Variants in UQCRC1 observed in about 807,000 individuals in gnomAD.
The protein encoded by UQCRC1 is ubiquinol-cytochrome c reductase core protein 1, also known as cytochrome b-c1 complex subunit 1, mitochondrial.
Under a neutral mutation model 58.0 loss-of-function variants are expected in UQCRC1, and 34 were observed. That is an observed-to-expected ratio of 0.59 (90% confidence interval 0.45 to 0.78). The LOEUF (loss-of-function observed/expected upper bound fraction) is 0.78. UQCRC1 is among the 30% of genes least tolerant of loss of function. UQCRC1 has a pLI of 0.00. For missense variants in UQCRC1, 610 were observed against 646.0 expected (o/e 0.94, Z 0.60); for synonymous variants, 276 against 248.8 (o/e 1.11, Z -1.03).
Position 48,604,361 on chromosome 3 carries a change from A to G in UQCRC1, c.498T>C (p.Asp166=), listed in dbSNP as rs1171662002. The G allele has an allele frequency of 6.2e-7, 1 of 1,614,238 alleles. No homozygotes were observed. The highest frequency in any genetic ancestry group is 1.1e-5 in the South Asian group (1 of 91,092). The part of the protein sequence containing the change: ...LEDSQIEKER[D]VILREMQEND... Reference sequence around the variant, plus strand: ...TCTCCTGCATCTCCCGCAGGATCACATCACGTTCCTTCTCAATCTGTGAGT... The same window carrying G: ...TCTCCTGCATCTCCCGCAGGATCACGTCACGTTCCTTCTCAATCTGTGAGT... Residue 166 remains aspartate, a synonymous_variant, in exon 5 of 13, where the codon GAT becomes GAC. Transcript: ENST00000203407.
chr3:48,599,081 G>GA lies in UQCRC1; in HGVS notation c.*46_*47insT. ...AAGTGCTGTGTTTGTGGTGGGGGGG[G>GA]GACCACAAACCCCGGCCCTGCCCTC... On this transcript the variant is annotated 3_prime_UTR_variant, in exon 13 of 13. Coordinates refer to ENST00000203407, the MANE Select transcript of UQCRC1 (RefSeq NM_003365.3). 6.2e-7 allele frequency: 1 copy of GA among 1,602,418 alleles called. No homozygotes were observed. The highest frequency in any genetic ancestry group is 1.3e-5 in the African/African-American group (1 of 74,768).
intron 2 of UQCRC1, among the ~76,000 whole-genome samples, chr3:48,608,914 C>G (rs2046437191): frequency 6.6e-6 from 1 of 152,134 alleles, no homozygotes; most frequent in Non-Finnish European, 1.5e-5. Context: ...TAACAAAAGG[C>G]TGGAAAAGAA....
intron 2 of UQCRC1, among the ~76,000 whole-genome samples, chr3:48,607,365 C>T (rs1392077119): frequency 6.6e-6 from 1 of 151,834 alleles, no homozygotes; most frequent in Non-Finnish European, 1.5e-5. Context: ...TTAGTAGAGG[C>T]GGGGTTTCAC....
Position 48,604,393 on chromosome 3 carries a change from G to T in UQCRC1, c.466C>A (p.Leu156Met). The T allele has an allele frequency of 1.2e-6, 2 of 1,614,188 alleles. No individual in the cohort carries two copies. The highest frequency in any genetic ancestry group is 2.2e-5 in the South Asian group (2 of 91,080). The change falls in exon 5 of 13, where the codon CTG (leucine) becomes ATG (methionine). Residue 156 changes from leucine (L) to methionine (M), a missense_variant. Leu to Met is a conservative substitution (Grantham distance 15, BLOSUM62 2). Transcript: ENST00000203407. Reference protein sequence around the residue: ...LLGDIVQNCSLEDSQIEKERD... With the variant: ...LLGDIVQNCSMEDSQIEKERD... ...TCCTTCTCAATCTGTGAGTCTTCCA[G>T]ACTACAGTTCTGCACAATGTCACCC...
intron 2 of UQCRC1, among the ~76,000 whole-genome samples, chr3:48,607,197 A>G (rs1387064777): frequency 6.6e-6 from 1 of 151,942 alleles, no homozygotes; most frequent in African/African-American, 2.4e-5. Context: ...GCCCGCCACC[A>G]CGCCCGGCTA....
At chr3:48,604,176 G>C in intron 5 of UQCRC1, 57 bp downstream of exon 5, 2 of 1,577,680 alleles carry the variant, frequency 1.3e-6, no homozygotes, top group Admixed American at 1.7e-5. Context: ...ACCTGGAAAG[G>C]GTCTGGCCAG....
Position 48,604,335 on chromosome 3 carries a change from T to C in UQCRC1, c.524A>G (p.Asn175Ser), listed in dbSNP as rs1194005119. ...RDVILREMQE[N>S]DASMRDVVFN... ...GACCACATCTCGCATAGATGCATCA[T>C]TCTCCTGCATCTCCCGCAGGATCAC... The change falls in exon 5 of 13, where the codon AAT becomes AGT. Residue 175 changes from asparagine (N) to serine (S), a missense_variant. Transcript: ENST00000203407. 2 of 1,614,114 alleles carry C rather than the reference T, an allele frequency of 1.2e-6. No individual in the cohort carries two copies. Among genetic ancestry groups the C allele is most frequent in the Non-Finnish European group, 1.7e-6 (2 of 1,179,984 alleles).
Position 48,601,427 on chromosome 3 carries a change from G to C in UQCRC1, c.747C>G (p.His249Gln). The C allele has an allele frequency of 1.2e-6, 2 of 1,614,166 alleles. No homozygotes were observed. Among genetic ancestry groups the C allele is most frequent in the Non-Finnish European group, 1.7e-6 (2 of 1,180,024 alleles). ...HQQLLDLAQKHLGGIPWTYAE... is the reference protein window; with the variant it reads ...HQQLLDLAQKQLGGIPWTYAE... ...CATATGTCCATGGGATGCCACCGAG[G>C]TGCTTCTGGGCGAGGTCTAACAGTT... The change falls in exon 7 of 13, where the codon CAC becomes CAG. Residue 249 changes from histidine to glutamine, a missense_variant. Transcript: ENST00000203407.
At chr3:48,605,746 GGA>G (rs1356377488) in intron 3 of UQCRC1, 22 bp downstream of exon 3, 2 of 1,610,936 alleles carry the variant, frequency 1.2e-6, no homozygotes, top group African/African-American at 2.7e-5. Flanking sequence ...TAAGCCCAGA[GGA>G]GACAGACTTT....
In UQCRC1 at chr3:48,600,553, G is replaced by A. The variant is rs2107842847; in HGVS notation, c.1142C>T (p.Thr381Ile). ...VLQGQWMRLCTSATESEVARG... is the reference protein window; with the variant it reads ...VLQGQWMRLCISATESEVARG... Reference sequence around the variant, plus strand: ...GGCCACCTCACTCTCCGTGGCACTGGTACACAGGCGCATCCTAAAGTGGGG... The same window carrying A: ...GGCCACCTCACTCTCCGTGGCACTGATACACAGGCGCATCCTAAAGTGGGG... Residue 381 changes from threonine to isoleucine, a missense_variant, in exon 10 of 13, where the codon ACC (threonine) becomes ATC (isoleucine). Coordinates refer to ENST00000203407, the MANE Select transcript of UQCRC1 (RefSeq NM_003365.3). 2 of 1,614,066 alleles carry A rather than the reference G, an allele frequency of 1.2e-6. No individual in the cohort carries two copies. Among genetic ancestry groups the A allele is most frequent in the East Asian group, 2.2e-5 (1 of 44,880 alleles).
chr3:48,609,067 A>G (rs2046438658), intron 2 of UQCRC1, 95 bp downstream of exon 2: 29 of 1,508,762 alleles, frequency 1.9e-5, no homozygotes, highest in Non-Finnish European at 2.6e-5. Context: ...CCAAACCACA[A>G]ACGGGAAGAC....
chr3:48,603,684 C>T (rs1467257260), intron 5 of UQCRC1, 41 bp from the exon 6 acceptor site: 2 of 1,586,992 alleles, frequency 1.3e-6, no homozygotes, highest in Admixed American at 3.4e-5. Flanking sequence ...CTCTACCACA[C>T]TGGAGTGAGT....
In UQCRC1 at chr3:48,600,977, C is replaced by T. The variant is rs555118861; in HGVS notation, c.964G>A (p.Val322Met). 1.9e-5 allele frequency: 31 copies of T among 1,603,304 alleles called. No individual in the cohort carries two copies. The highest frequency in any genetic ancestry group is 1.8e-4 in the East Asian group (8 of 44,556). Residue 322 changes from valine to methionine, a missense_variant and splice_region_variant, in exon 8 of 13, where the codon GTG (valine) becomes ATG (methionine). Transcript: ENST00000203407. ...CCCATGCTCGCGCTGGCACTCACCACGCCACCACCATAAGTGCAGTCATAG... is the reference window on the plus strand; with the variant it reads ...CCCATGCTCGCGCTGGCACTCACCATGCCACCACCATAAGTGCAGTCATAG... ...GHYDCTYGGG[V>M]HLSSPLASGA... is the part of the protein sequence containing the mutation.
chr3:48,601,044 C>G lies in UQCRC1; in HGVS notation c.897G>C (p.Pro299=). 1 of 1,611,044 alleles carries G rather than the reference C, an allele frequency of 6.2e-7. No homozygotes were observed. Among genetic ancestry groups the G allele is most frequent in the Non-Finnish European group, 8.5e-7 (1 of 1,177,508 alleles). ...TGGCCACTTGCAAGGCCACATTGTCCGGGCTGGCCCAGCCAGGACCCTCTA... is the reference window on the plus strand; with the variant it reads ...TGGCCACTTGCAAGGCCACATTGTCGGGGCTGGCCCAGCCAGGACCCTCTA... The part of the protein sequence containing the change: ...IAVEGPGWAS[P]DNVALQVANA... Residue 299 remains proline, a synonymous_variant, in exon 8 of 13, where the codon CCG becomes CCC. Transcript: ENST00000203407.
At position 48,601,386 on chromosome 3, in the gene UQCRC1, G is replaced by T. The variant is rs760529868; in HGVS notation, c.788C>A (p.Pro263His). 3.1e-6 allele frequency: 5 copies of T among 1,614,196 alleles called. No individual in the cohort carries two copies. The highest frequency in any genetic ancestry group is 4.2e-6 in the Non-Finnish European group (5 of 1,180,038). The part of the protein sequence containing the change: ...IPWTYAEDAV[P>H]TLTPCRFTGS... Reference sequence around the variant, plus strand: ...AGTGAAGCGGCATGGAGTAAGAGTGGGCACAGCGTCCTCTGCATATGTCCA... The same window carrying T: ...AGTGAAGCGGCATGGAGTAAGAGTGTGCACAGCGTCCTCTGCATATGTCCA... The change falls in exon 7 of 13, where the codon CCC becomes CAC. Residue 263 changes from proline (P) to histidine (H), a missense_variant. Physicochemically the swap from Pro to His is moderately conservative, Grantham distance 77 (BLOSUM62 -2). Transcript: ENST00000203407.
chr3:48,605,996 C>A (rs1476206435), intron 2 of UQCRC1, 140 bp from the exon 3 acceptor site: 1 of 750,834 alleles, frequency 1.3e-6, no homozygotes, highest in East Asian at 2.9e-5. Context: ...CCAGCAGGAC[C>A]CCTGTGCTTG....
intron 12 of UQCRC1, 25 bp downstream of exon 12, chr3:48,599,610 A>C: frequency 6.2e-7 from 1 of 1,612,958 alleles, no homozygotes; most frequent in Admixed American, 1.7e-5. Flanking sequence ...AAATAAACAA[A>C]GAGCAGACCC....
intron 3 of UQCRC1, 44 bp from the exon 4 acceptor site, chr3:48,604,824 A>T (rs761869727): frequency 6.2e-7 from 1 of 1,610,574 alleles, no homozygotes; most frequent in Non-Finnish European, 8.5e-7. Context: ...CTACACAGGA[A>T]CCCAAGAACC....
At chr3:48,603,943 C>T (rs1425257686) in intron 5 of UQCRC1, 3 of 583,784 alleles carry the variant, frequency 5.1e-6, no homozygotes, top group East Asian at 5.7e-5. Flanking sequence ...GCTCCCGGAG[C>T]CATCCACAAA....
Sources: gnomAD v4.1 joint callset for allele counts (sites outside exome capture counted in the v4.1 genomes callset) on GRCh38, gnomAD v4.1.1 for gene constraint, MANE v1.5 for transcripts, NCBI Gene and HGNC (gene_info 2026-07-23, HGNC 2026-07-21) for gene names.